SLC38A9: variants seen among roughly 807,000 people sequenced by gnomAD.
The protein encoded by SLC38A9 is neutral amino acid transporter 9.
Under a neutral mutation model 62.3 loss-of-function variants are expected in SLC38A9, and 48 were observed. The ratio of observed to expected loss-of-function variants is 0.77; its 90% CI spans 0.61 to 0.98. The LOEUF (loss-of-function observed/expected upper bound fraction) is 0.98. Among genes scored for constraint, SLC38A9 ranks in the 50% least tolerant of loss-of-function variants. The pLI is 0.00. For synonymous variants in SLC38A9, 204 were observed against 227.7 expected, an observed-to-expected ratio of 0.90 and a Z score of 0.94; for missense variants, 541 against 679.8, an observed-to-expected ratio of 0.80 and a Z score of 2.27.
chr5:55,646,420 T>C (rs1371734589), intron 11 of SLC38A9, among the ~76,000 whole-genome samples: 1 of 152,134 alleles, frequency 6.6e-6, no homozygotes, highest in African/African-American at 2.4e-5. Context: ...TTATTCCTAT[T>C]TGAGGTCATA....
intron 3 of SLC38A9, among the ~76,000 whole-genome samples, chr5:55,676,810 G>C (rs1176415892): frequency 1.3e-5 from 2 of 151,384 alleles, no homozygotes; most frequent in Non-Finnish European, 2.9e-5. Context: ...CTCCCTTCAA[G>C]ATAAAGATGG....
chr5:55,657,946 A>G (rs1462371285), intron 8 of SLC38A9: 2 of 152,168 alleles, frequency 1.3e-5, no homozygotes, highest in Non-Finnish European at 1.5e-5. Flanking sequence ...ATCTTTGTGT[A>G]ATTTCTTGAT....
chr5:55,633,308 T>A (rs1274390977), intron 14 of SLC38A9: 1 of 153,318 alleles, frequency 6.5e-6, no homozygotes, highest in Non-Finnish European at 1.4e-5. Flanking sequence ...AGCCGGGCCC[T>A]TTTTGCCTAT....
chr5:55,691,537 GCTAGCTGGATGGGCAACTTCC>G (rs1754740463), intron 3 of SLC38A9, among the ~76,000 whole-genome samples: 1 of 152,166 alleles, frequency 6.6e-6, no homozygotes, highest in Admixed American at 6.5e-5. Context: ...CTGTTTGTAG[GCTAGCTGGATGGGCAACTTCC>G]CCAGGGCATA....
Position 55,700,682 on chromosome 5 carries a change from C to G in SLC38A9, c.-34-2690G>C, listed in dbSNP as rs139798334. On this transcript the variant is annotated intron_variant, in intron 2 of 15. Transcript: ENST00000396865. ...AGCCTATGCTAATCATGATATCTTT[C>G]CTATCACTATACAGAAGCTGTTCTT... Among the ~76,000 whole-genome samples the G allele has an allele frequency of 4.3e-4, 66 of 152,326 alleles. No homozygotes were observed. The East Asian group carries it at 9.1e-3, about 21-fold the overall frequency.
At chr5:55,687,426 CAAAAAAA>C (rs34476189) in intron 3 of SLC38A9, among the ~76,000 whole-genome samples, 7 of 76,420 alleles carry the variant, frequency 9.2e-5, no homozygotes, top group South Asian at 6.2e-4. Flanking sequence ...GACTCCGTCT[CAAAAAAA>C]AAAAAAAAAA....
chr5:55,633,492 A>G (rs1743865582), intron 14 of SLC38A9: 1 of 360,488 alleles, frequency 2.8e-6, no homozygotes, highest in Admixed American at 4.2e-5. Flanking sequence ...GTAAATCAAT[A>G]GCAATTAAAT....
chr5:55,652,508 T>C (rs764628527), intron 10 of SLC38A9, 21 bp downstream of exon 10: 15 of 1,507,340 alleles, frequency 1.0e-5, no homozygotes, highest in South Asian at 1.3e-5. Context: ...AAAGTCTCCA[T>C]AATTCAGTGC....
chr5:55,653,537 C>T (rs1022802873), intron 9 of SLC38A9, among the ~76,000 whole-genome samples: 2 of 152,244 alleles, frequency 1.3e-5, no homozygotes, highest in Admixed American at 6.5e-5. Context: ...ATCATAATCA[C>T]TGATAAAAAT....
intron 2 of SLC38A9, among the ~76,000 whole-genome samples, chr5:55,700,036 AG>A (rs1043615054): frequency 6.6e-6 from 1 of 152,152 alleles, no homozygotes; most frequent in Admixed American, 6.6e-5. Context: ...TAAACATTAC[AG>A]GGTTTGAAAA....
intron 7 of SLC38A9, among the ~76,000 whole-genome samples, chr5:55,667,762 C>T (rs1033023914): frequency 6.6e-6 from 1 of 151,996 alleles, no homozygotes; most frequent in Admixed American, 6.6e-5. Flanking sequence ...CAGTGTTTCA[C>T]TCCATCACCC....
At chr5:55,640,593 T>C (rs914842330) in intron 12 of SLC38A9, among the ~76,000 whole-genome samples, 1 of 152,190 alleles carries the variant, frequency 6.6e-6, no homozygotes, top group East Asian at 1.9e-4. Context: ...TAAACTGGTG[T>C]GACTTTCCAG....
chr5:55,690,685 A>C (rs1258267203), intron 3 of SLC38A9, among the ~76,000 whole-genome samples: 1 of 152,152 alleles, frequency 6.6e-6, no homozygotes, highest in Non-Finnish European at 1.5e-5. Context: ...AATCACTGTC[A>C]CTGGGCCAGG....
chr5:55,681,674 T>C (rs922232741), intron 3 of SLC38A9, among the ~76,000 whole-genome samples: 1 of 152,172 alleles, frequency 6.6e-6, no homozygotes, highest in African/African-American at 2.4e-5. Flanking sequence ...CCTGACCTTT[T>C]TATTAACTTC....
chr5:55,688,381 T>TC lies in SLC38A9; in HGVS notation c.113+9464_113+9465insG, dbSNP rs1215435697. Among the ~76,000 whole-genome samples, 243 of 24,808 alleles carry TC rather than the reference T, an allele frequency of 9.8e-3. 1 individual carries two copies. The highest frequency in any genetic ancestry group is 0.024 in the African/African-American group (229 of 9,492). 16.3% of individuals were successfully genotyped at this position (24,808 alleles called of 152,430 possible). On this transcript the variant is annotated intron_variant, in intron 3 of 15. Coordinates refer to ENST00000396865, the MANE Select transcript of SLC38A9 (RefSeq NM_173514.4). Reference sequence around the variant, plus strand: ...AATGTATGAATTAGGGCATAATCTCTTTTTTTTTTTTTTTTTTTAAGACAG... The same window carrying TC: ...AATGTATGAATTAGGGCATAATCTCTCTTTTTTTTTTTTTTTTTTAAGACAG...
At chr5:55,677,926 TTG>T (rs10682261) in intron 3 of SLC38A9, among the ~76,000 whole-genome samples, 2,722 of 112,148 alleles carry the variant, frequency 0.024, 54 homozygotes, top group Non-Finnish European at 0.034. Flanking sequence ...TTTTTCTTTA[TTG>T]TGTGTGTGTG....
Position 55,643,558 on chromosome 5 carries a change from T to C in SLC38A9, c.1167+2231A>G, listed in dbSNP as rs908707280. On this transcript the variant is annotated intron_variant, in intron 12 of 15. Coordinates refer to ENST00000396865, the MANE Select transcript of SLC38A9 (RefSeq NM_173514.4). The stretch of plus-strand genomic sequence containing the variant: ...ATTAGATTAAATAGGTTGACAGTGT[T>C]TTTCATGCTTCCTCTACCCTTACTG... 2.6e-5 allele frequency among the ~76,000 whole-genome samples: 4 copies of C among 152,338 alleles called. No individual in the cohort carries two copies. In the South Asian group the frequency reaches 8.3e-4, roughly 32 times the overall value.
At chr5:55,665,004 A>T in intron 7 of SLC38A9, 141 bp from the exon 8 acceptor site, 1 of 420,486 alleles carries the variant, frequency 2.4e-6, no homozygotes, top group Non-Finnish European at 4.2e-6. Context: ...ATATTATAAG[A>T]TAATAAAATT....
rs766495339 is a variant in SLC38A9 at position 55,697,992 on chromosome 5, C to T, written c.-34G>A. 3 of 1,051,936 alleles carry T rather than the reference C, an allele frequency of 2.9e-6. No homozygotes were observed. In the African/African-American group the frequency reaches 4.9e-5, roughly 17 times the overall value. The allele number at this position is 1,051,936 out of a possible 1,614,324, so 65.2% of individuals were successfully genotyped here. ...CACTCTAAGCACTGAAGAAGTTAGT[C>T]CTACACAAAGAAGATAAATAATTTA... On this transcript the variant is annotated splice_region_variant and 5_prime_UTR_variant, in exon 3 of 16. Transcript: ENST00000396865.
Sources: allele counts gnomAD v4.1 joint callset (sites outside exome capture counted in the v4.1 genomes callset), GRCh38; gene constraint gnomAD v4.1.1; transcripts MANE v1.5; gene names NCBI Gene and HGNC (gene_info 2026-07-23, HGNC 2026-07-21).